The following DCC variants were observed in gnomAD, a reference collection of about 807,000 sequenced individuals.
DCC encodes the protein netrin receptor DCC.
DCC carries 58 observed loss-of-function variants against 172.5 expected under a neutral mutation model. The ratio of observed to expected loss-of-function variants is 0.34; its 90% confidence interval spans 0.27 to 0.42. The LOEUF (loss-of-function observed/expected upper bound fraction) is 0.42, where lower values mean the gene tolerates loss of function less well. Among genes scored for constraint, DCC ranks in the 10% least tolerant of loss-of-function variants. DCC has a pLI of 1.00. For synonymous variants in DCC, 709 were observed against 644.5 expected (o/e 1.10, Z -1.52); for missense variants, 1,740 against 1,791.0 (o/e 0.97, Z 0.51).
chr18:53,045,917 G>A (rs973458837), intron 5 of DCC, among the ~76,000 whole-genome samples: 7 of 151,772 alleles, frequency 4.6e-5, no homozygotes, highest in African/African-American at 1.7e-4. Flanking sequence ...CATCGACTGG[G>A]CAGGAAACCA....
intron 2 of DCC, among the ~76,000 whole-genome samples, chr18:52,762,689 T>G (rs1203183512): frequency 6.6e-6 from 1 of 151,946 alleles, no homozygotes; most frequent in Non-Finnish European, 1.5e-5. Context: ...CCAGGTATGG[T>G]AGTACATGCC....
chr18:53,072,502 G>A (rs982781483), intron 7 of DCC, among the ~76,000 whole-genome samples: 3 of 152,172 alleles, frequency 2.0e-5, no homozygotes, highest in African/African-American at 7.2e-5. Context: ...GTTGTTGGAA[G>A]TACCTGACTG....
intron 1 of DCC, among the ~76,000 whole-genome samples, chr18:52,626,428 G>C (rs1312658506): frequency 2.0e-5 from 3 of 151,814 alleles, no homozygotes; most frequent in African/African-American, 7.3e-5. Flanking sequence ...TATTATAATA[G>C]CCTTGCCAAT....
At chr18:53,087,244 C>T (rs1239144185) in intron 7 of DCC, among the ~76,000 whole-genome samples, 1 of 151,788 alleles carries the variant, frequency 6.6e-6, no homozygotes, top group Non-Finnish European at 1.5e-5. Context: ...CCTATTTCTC[C>T]ACATCCTCTC....
At chr18:53,214,830 T>C in intron 11 of DCC, among the ~76,000 whole-genome samples, 1 of 152,158 alleles carries the variant, frequency 6.6e-6, no homozygotes. Context: ...TTTGGTAGAG[T>C]AAATATTTAT....
chr18:53,465,871 TC>T (rs1317277611), intron 24 of DCC, among the ~76,000 whole-genome samples: 1 of 152,046 alleles, frequency 6.6e-6, no homozygotes, highest in Non-Finnish European at 1.5e-5. Flanking sequence ...TTCAAATGAT[TC>T]TCTTGCCTCA....
At chr18:52,456,405 T>C (rs1988458117) in intron 1 of DCC, among the ~76,000 whole-genome samples, 1 of 152,164 alleles carries the variant, frequency 6.6e-6, no homozygotes, top group African/African-American at 2.4e-5. Flanking sequence ...TCTAGAATAG[T>C]AATGATGGAA....
At chr18:53,502,086 TC>T (rs1216443034) in intron 27 of DCC, among the ~76,000 whole-genome samples, 1 of 152,168 alleles carries the variant, frequency 6.6e-6, no homozygotes, top group Non-Finnish European at 1.5e-5. Flanking sequence ...AATCTCGTTT[TC>T]TTTTATTTTC....
chr18:52,756,508 CA>C (rs2037078565), intron 2 of DCC, among the ~76,000 whole-genome samples: 1 of 152,170 alleles, frequency 6.6e-6, no homozygotes, highest in Non-Finnish European at 1.5e-5. Flanking sequence ...ATACTCTTAA[CA>C]AACTGAGTTG....
chr18:52,821,209 T>C (rs546581505), intron 2 of DCC, among the ~76,000 whole-genome samples: 41 of 152,322 alleles, frequency 2.7e-4, no homozygotes, highest in Admixed American at 2.4e-3. Context: ...TCTGCATCTA[T>C]GCCAATGGCT....
chr18:53,150,296 A>C (rs1008840600), intron 7 of DCC, among the ~76,000 whole-genome samples: 25 of 152,214 alleles, frequency 1.6e-4, no homozygotes, highest in Non-Finnish European at 2.9e-5. Flanking sequence ...CTCCCAGTGC[A>C]TATTCTCAAG....
intron 2 of DCC, among the ~76,000 whole-genome samples, chr18:52,780,766 G>A (rs2037524599): frequency 6.6e-6 from 1 of 151,832 alleles, no homozygotes; most frequent in African/African-American, 2.4e-5. Context: ...AGGTCTTCAG[G>A]GGAGAAGGGA....
At chr18:53,387,470 T>A (rs917195504) in intron 16 of DCC, among the ~76,000 whole-genome samples, 10 of 152,194 alleles carry the variant, frequency 6.6e-5, no homozygotes, top group African/African-American at 2.4e-4. Context: ...ACAGTATATA[T>A]CATTCATTGT....
chr18:52,355,357 A>G (rs1020199514), intron 1 of DCC, among the ~76,000 whole-genome samples: 2 of 152,174 alleles, frequency 1.3e-5, no homozygotes, highest in Non-Finnish European at 2.9e-5. Context: ...GAGCCTCTAA[A>G]TCACAAATCT....
rs79049286 is a variant in DCC at position 52,451,125 on chromosome 18, G to T, written c.91+110247G>T. Among the ~76,000 whole-genome samples, 473 of 152,228 alleles carry T rather than the reference G, an allele frequency of 3.1e-3. 3 individuals are homozygous for T. Among genetic ancestry groups the T allele is most frequent in the East Asian group, 0.027 (141 of 5,188 alleles). ...GCAGGGATTAAATATCCATGACTAAGGGAATTAGTGAGCACCAGACCCAAA... is the reference window on the plus strand; with the variant it reads ...GCAGGGATTAAATATCCATGACTAATGGAATTAGTGAGCACCAGACCCAAA... On this transcript the variant is annotated intron_variant, in intron 1 of 28. Transcript: ENST00000442544.
intron 5 of DCC, among the ~76,000 whole-genome samples, chr18:53,003,124 CAG>C (rs982548126): frequency 2.6e-5 from 4 of 152,126 alleles, no homozygotes; most frequent in African/African-American, 9.7e-5. Flanking sequence ...GGAATGCTGT[CAG>C]GGGTGCAGAG....
intron 5 of DCC, among the ~76,000 whole-genome samples, chr18:52,929,703 GGTATAAAAGTT>G (rs1243119882): frequency 6.6e-6 from 1 of 151,864 alleles, no homozygotes; most frequent in Admixed American, 6.6e-5. Context: ...TAAATGTGGA[GGTATAAAAGTT>G]GACATGTTTA....
chr18:53,349,849 A>T (rs2057768464), intron 15 of DCC, among the ~76,000 whole-genome samples: 1 of 152,208 alleles, frequency 6.6e-6, no homozygotes, highest in Non-Finnish European at 1.5e-5. Flanking sequence ...GGGAGTTACA[A>T]GTCAAGATGA....
At chr18:52,619,903 A>G (rs1351087837) in intron 1 of DCC, among the ~76,000 whole-genome samples, 1 of 152,208 alleles carries the variant, frequency 6.6e-6, no homozygotes, top group Non-Finnish European at 1.5e-5. Flanking sequence ...AGCACCAGTC[A>G]TAAATTAATA....
Sources: gnomAD v4.1 joint callset for allele counts (sites outside exome capture counted in the v4.1 genomes callset) on GRCh38, gnomAD v4.1.1 for gene constraint, MANE v1.5 for transcripts, NCBI Gene and HGNC (gene_info 2026-07-23, HGNC 2026-07-21) for gene names.